FRMD4B: variants seen among roughly 807,000 people sequenced by gnomAD.
The protein encoded by FRMD4B is FERM domain-containing protein 4B.
Under a neutral mutation model 141.5 loss-of-function variants are expected in FRMD4B, and 74 were observed. That is an observed-to-expected ratio of 0.52 (90% CI 0.43 to 0.63). The LOEUF is 0.63. Among genes scored for constraint, FRMD4B ranks in the 30% least tolerant of loss-of-function variants. The probability of loss-of-function intolerance (pLI) is 0.00; values close to 1 mark genes in which losing one functional copy is unlikely to be tolerated. For missense variants in FRMD4B, 1,366 were observed against 1,253.4 expected, an observed-to-expected ratio of 1.09 and a Z score of -1.36; for synonymous variants, 506 against 467.9, an observed-to-expected ratio of 1.08 and a Z score of -1.05.
intron 1 of FRMD4B, among the ~76,000 whole-genome samples, chr3:69,507,024 T>C (rs562569576): frequency 1.3e-5 from 2 of 152,344 alleles, no homozygotes; most frequent in Non-Finnish European, 2.9e-5. Context: ...TACAGGATTC[T>C]TGAGTGTGGA....
intron 7 of FRMD4B, among the ~76,000 whole-genome samples, chr3:69,241,170 T>A (rs1486855795): frequency 6.6e-6 from 1 of 152,222 alleles, no homozygotes; most frequent in East Asian, 1.9e-4. Flanking sequence ...GGTTTTTGTG[T>A]TCATTTAGTT....
intron 1 of FRMD4B, among the ~76,000 whole-genome samples, chr3:69,374,944 G>A (rs1703926224): frequency 6.6e-6 from 1 of 152,070 alleles, no homozygotes; most frequent in African/African-American, 2.4e-5. Flanking sequence ...ATGCATACGT[G>A]AAGATAATTT....
intron 1 of FRMD4B, among the ~76,000 whole-genome samples, chr3:69,504,688 A>G (rs1225472229): frequency 6.6e-6 from 1 of 152,146 alleles, no homozygotes; most frequent in Non-Finnish European, 1.5e-5. Flanking sequence ...GATATACCAC[A>G]TTTTATTTAT....
At chr3:69,209,311 T>A (rs1011278626) in intron 11 of FRMD4B, among the ~76,000 whole-genome samples, 5 of 152,098 alleles carry the variant, frequency 3.3e-5, no homozygotes, top group Non-Finnish European at 7.3e-5. Context: ...CCTAACCAAT[T>A]TTCTAAAAGT....
chr3:69,513,953 T>A (rs1299501507), intron 1 of FRMD4B, among the ~76,000 whole-genome samples: 1 of 152,148 alleles, frequency 6.6e-6, no homozygotes, highest in African/African-American at 2.4e-5. Context: ...AACATAATAC[T>A]CAATGGTGAA....
chr3:69,178,610 C>A (rs2092673922), intron 21 of FRMD4B, among the ~76,000 whole-genome samples: 1 of 150,410 alleles, frequency 6.6e-6, no homozygotes. Context: ...GAGTTTGAGA[C>A]TGAGTGAGGT....
chr3:69,439,191 A>G (rs1705306738), intron 1 of FRMD4B, among the ~76,000 whole-genome samples: 1 of 152,182 alleles, frequency 6.6e-6, no homozygotes, highest in South Asian at 2.1e-4. Context: ...CTAGATTATT[A>G]ACTGTTGCAT....
At chr3:69,267,358 T>G (rs2093567340) in intron 5 of FRMD4B, among the ~76,000 whole-genome samples, 1 of 152,070 alleles carries the variant, frequency 6.6e-6, no homozygotes, top group African/African-American at 2.4e-5. Flanking sequence ...GACCCTGAAT[T>G]GGCTCTAGGA....
At chr3:69,203,801 T>C (rs566538550) in intron 11 of FRMD4B, among the ~76,000 whole-genome samples, 6 of 152,332 alleles carry the variant, frequency 3.9e-5, no homozygotes, top group African/African-American at 9.6e-5. Context: ...GTATTTGTAA[T>C]GAAGAACTCT....
chr3:69,277,605 C>T (rs1437671331), intron 5 of FRMD4B, among the ~76,000 whole-genome samples: 1 of 149,108 alleles, frequency 6.7e-6, no homozygotes, highest in African/African-American at 2.5e-5. Context: ...TCACTGCAAC[C>T]TCCGCCTCCC....
At chr3:69,321,377 T>C (rs1467628146) in intron 1 of FRMD4B, among the ~76,000 whole-genome samples, 2 of 152,200 alleles carry the variant, frequency 1.3e-5, no homozygotes, top group Non-Finnish European at 2.9e-5. Flanking sequence ...TCTCTCTCTC[T>C]CCCTTATTCC....
chr3:69,240,017 G>A (rs2093370344), intron 7 of FRMD4B, among the ~76,000 whole-genome samples: 1 of 150,130 alleles, frequency 6.7e-6, no homozygotes, highest in Admixed American at 6.6e-5. Flanking sequence ...CATGCCACTT[G>A]CACTCCAGCC....
chr3:69,208,855 C>T (rs1200377129), intron 11 of FRMD4B, among the ~76,000 whole-genome samples: 3 of 152,118 alleles, frequency 2.0e-5, no homozygotes, highest in South Asian at 2.1e-4. Flanking sequence ...AATAGAACAT[C>T]TTGAGTTATG....
At chr3:69,200,640 G>A in intron 11 of FRMD4B, 1 of 1,228,700 alleles carries the variant, frequency 8.1e-7, no homozygotes, top group Non-Finnish European at 1.0e-6. Context: ...CTCCCATCAG[G>A]GAGAGGAGGG....
intron 1 of FRMD4B, among the ~76,000 whole-genome samples, chr3:69,362,766 C>CT (rs985958217): frequency 1.3e-5 from 2 of 151,100 alleles, no homozygotes; most frequent in African/African-American, 4.8e-5. Flanking sequence ...AAATCCCATA[C>CT]TTTTTAAAAT....
intron 1 of FRMD4B, among the ~76,000 whole-genome samples, chr3:69,465,350 C>A (rs1259803155): frequency 6.7e-6 from 1 of 149,966 alleles, no homozygotes. Context: ...TCAGGAAATA[C>A]AGAATTCCAT....
intron 1 of FRMD4B, among the ~76,000 whole-genome samples, chr3:69,467,240 T>G (rs1243239242): frequency 6.6e-6 from 1 of 152,162 alleles, no homozygotes; most frequent in Non-Finnish European, 1.5e-5. Flanking sequence ...AACTTTTCCA[T>G]CTCTGGAAGG....
intron 1 of FRMD4B, among the ~76,000 whole-genome samples, chr3:69,372,390 T>A (rs7635675): frequency 6.6e-6 from 1 of 152,072 alleles, no homozygotes; most frequent in Non-Finnish European, 1.5e-5. Context: ...TGAGGCTGGG[T>A]GTGATGGCTC....
chr3:69,172,984 G>A (rs1482626039), intron 22 of FRMD4B, among the ~76,000 whole-genome samples: 1 of 152,136 alleles, frequency 6.6e-6, no homozygotes, highest in African/African-American at 2.4e-5. Context: ...ATCAGTCAGT[G>A]CAAGCAAAAC....
Sources: gnomAD v4.1 joint callset for allele counts (sites outside exome capture counted in the v4.1 genomes callset) on GRCh38, gnomAD v4.1.1 for gene constraint, MANE v1.5 for transcripts, NCBI Gene and HGNC (gene_info 2026-07-23, HGNC 2026-07-21) for gene names.